IL1RAPL1: variants seen among roughly 807,000 people sequenced by gnomAD.
IL1RAPL1 encodes the protein interleukin-1 receptor accessory protein-like 1.
IL1RAPL1 carries 3 observed loss-of-function variants against 48.4 expected under a neutral mutation model. The ratio of observed to expected loss-of-function variants is 0.06; its 90% confidence interval spans 0.03 to 0.16. The LOEUF (loss-of-function observed/expected upper bound fraction) is 0.16. IL1RAPL1 is among the 10% of genes least tolerant of loss of function. The pLI is 1.00. For synonymous variants in IL1RAPL1, 185 were observed against 187.7 expected (o/e 0.99, Z 0.12); for missense variants, 349 against 530.6 (o/e 0.66, Z 3.36).
chrX:29,490,834 A>ATG lies in IL1RAPL1; in HGVS notation c.703+91544_703+91545dup, dbSNP rs199987230. ...AAGTACACAGTTACTCATCTGAGGT[A>ATG]TGTGTGTGTGTGTGTGTGTATATAT... is the stretch of plus-strand genomic sequence containing the variant. On this transcript the variant is annotated intron_variant, in intron 5 of 10. Transcript: ENST00000378993. Among the ~76,000 whole-genome samples the ATG allele has an allele frequency of 2.1e-3, 203 of 95,997 alleles. 1 individual carries two copies. Among genetic ancestry groups the ATG allele is most frequent in the Non-Finnish European group, 2.8e-3 (142 of 50,419 alleles). 83.4% of individuals were successfully genotyped at this position (95,997 alleles called of 115,157 possible).
chrX:28,615,101 G>T (rs753670382), intron 1 of IL1RAPL1, among the ~76,000 whole-genome samples: 20 of 107,973 alleles, frequency 1.9e-4, no homozygotes, highest in African/African-American at 6.4e-4. Context: ...TGTTAGCCAG[G>T]ATGGTCTCGA....
At chrX:29,850,749 A>G (rs968461285) in intron 6 of IL1RAPL1, among the ~76,000 whole-genome samples, 1 of 112,403 alleles carries the variant, frequency 8.9e-6, no homozygotes, top group Non-Finnish European at 1.9e-5. Flanking sequence ...TTTATTTTTC[A>G]GTCTTGAGCA....
intron 2 of IL1RAPL1, among the ~76,000 whole-genome samples, chrX:28,858,028 C>G (rs1290832297): frequency 8.9e-6 from 1 of 111,905 alleles, no homozygotes. Context: ...GATTCCAACT[C>G]TTGCAGATGA....
At chrX:29,039,412 A>G (rs1926795217) in intron 2 of IL1RAPL1, among the ~76,000 whole-genome samples, 1 of 111,856 alleles carries the variant, frequency 8.9e-6, no homozygotes, top group African/African-American at 3.2e-5. Context: ...ATCAGGCAAT[A>G]CTGTCTGTTG....
intron 8 of IL1RAPL1, among the ~76,000 whole-genome samples, chrX:29,940,871 A>T (rs1933114577): frequency 8.9e-6 from 1 of 112,166 alleles, no homozygotes; most frequent in African/African-American, 3.2e-5. Flanking sequence ...AATCTTAAAA[A>T]GTAAACGGTT....
At chrX:28,906,326 G>T (rs1012221774) in intron 2 of IL1RAPL1, among the ~76,000 whole-genome samples, 1 of 112,232 alleles carries the variant, frequency 8.9e-6, no homozygotes, top group Non-Finnish European at 1.9e-5. Flanking sequence ...CCACGCAGTT[G>T]TCTGTAATAG....
chrX:28,720,414 G>C (rs1485391116), intron 1 of IL1RAPL1, among the ~76,000 whole-genome samples: 1 of 111,803 alleles, frequency 8.9e-6, no homozygotes, highest in Non-Finnish European at 1.9e-5. Flanking sequence ...ATACATGTTA[G>C]CTGATTTTGA....
intron 5 of IL1RAPL1, among the ~76,000 whole-genome samples, chrX:29,511,877 A>T (rs2147767058): frequency 9.0e-6 from 1 of 111,147 alleles, no homozygotes; most frequent in African/African-American, 3.3e-5. Context: ...CTTTCTCTTA[A>T]AATTGAGCCA....
chrX:29,862,424 T>G lies in IL1RAPL1; in HGVS notation c.779-55040T>G, dbSNP rs1390851454. On this transcript the variant is annotated intron_variant, in intron 6 of 10. Coordinates refer to ENST00000378993, the MANE Select transcript of IL1RAPL1 (RefSeq NM_014271.4). The stretch of plus-strand genomic sequence containing the variant: ...TTGGTTATAAAAACGTGACGGATGA[T>G]TTAGGTGGCTGTATTCAGCTGTAAG... Among the ~76,000 whole-genome samples, 7 of 111,134 alleles carry G rather than the reference T, an allele frequency of 6.3e-5. No homozygotes were observed. In the East Asian group the frequency reaches 2.0e-3, roughly 32 times the overall value.
intron 9 of IL1RAPL1, among the ~76,000 whole-genome samples, chrX:29,942,268 CTTGT>C (rs1383097610): frequency 1.8e-5 from 2 of 112,315 alleles, no homozygotes; most frequent in Non-Finnish European, 3.7e-5. Flanking sequence ...TCTTTTCAAT[CTTGT>C]TTATTTAGCT....
At chrX:29,014,813 C>T (rs898644883) in intron 2 of IL1RAPL1, among the ~76,000 whole-genome samples, 1 of 111,423 alleles carries the variant, frequency 9.0e-6, no homozygotes, top group African/African-American at 3.3e-5. Flanking sequence ...ACATTTATTC[C>T]AAAACGAGAA....
At chrX:29,811,879 A>G (rs1281682762) in intron 6 of IL1RAPL1, among the ~76,000 whole-genome samples, 2 of 111,820 alleles carry the variant, frequency 1.8e-5, no homozygotes, top group African/African-American at 6.5e-5. Flanking sequence ...TTATAATTTC[A>G]CTTTCATTTT....
intron 2 of IL1RAPL1, among the ~76,000 whole-genome samples, chrX:29,075,285 C>G (rs1433823723): frequency 9.0e-6 from 1 of 111,523 alleles, no homozygotes; most frequent in Non-Finnish European, 1.9e-5. Context: ...AACACTTTGC[C>G]TCTTGGAAAT....
intron 5 of IL1RAPL1, among the ~76,000 whole-genome samples, chrX:29,443,017 C>G (rs1046529346): frequency 1.8e-5 from 2 of 110,917 alleles, no homozygotes; most frequent in East Asian, 5.6e-4. Context: ...TATTATTCAT[C>G]CTAGTTGACT....
intron 1 of IL1RAPL1, among the ~76,000 whole-genome samples, chrX:28,749,244 C>T (rs748414932): frequency 8.9e-5 from 10 of 111,947 alleles, no homozygotes; most frequent in African/African-American, 2.9e-4. Context: ...ATCTCTTTGA[C>T]GTACTCATTT....
chrX:29,410,888 A>G (rs927983264), intron 5 of IL1RAPL1, among the ~76,000 whole-genome samples: 1 of 111,794 alleles, frequency 8.9e-6, no homozygotes, highest in African/African-American at 3.3e-5. Flanking sequence ...TTCCTAGAAT[A>G]TGTTTCACTT....
At chrX:29,437,226 G>A (rs1040306049) in intron 5 of IL1RAPL1, among the ~76,000 whole-genome samples, 1 of 110,306 alleles carries the variant, frequency 9.1e-6, no homozygotes, top group Non-Finnish European at 1.9e-5. Context: ...AATCATTTGG[G>A]TAAGTTTACA....
intron 6 of IL1RAPL1, among the ~76,000 whole-genome samples, chrX:29,703,019 C>T (rs1196226111): frequency 1.8e-5 from 2 of 112,027 alleles, no homozygotes. Context: ...AGAAAATCAT[C>T]TTAGCATCTT....
At position 29,771,855 on chromosome X, in the gene IL1RAPL1, C is replaced by A. The variant is rs139487786; in HGVS notation, c.778+103351C>A. Among the ~76,000 whole-genome samples the A allele has an allele frequency of 3.3e-4, 37 of 111,677 alleles. No homozygotes were observed. The East Asian group carries it at 0.01, about 31-fold the overall frequency. On this transcript the variant is annotated intron_variant, in intron 6 of 10. Coordinates refer to ENST00000378993, the MANE Select transcript of IL1RAPL1 (RefSeq NM_014271.4). Reference sequence around the variant, plus strand: ...GAGCTTTAATTGACTCACAGTTCCACGTGCCTGGGGAGGCCTCACAATCGT... The same window carrying A: ...GAGCTTTAATTGACTCACAGTTCCAAGTGCCTGGGGAGGCCTCACAATCGT...
Sources: allele counts gnomAD v4.1 joint callset (sites outside exome capture counted in the v4.1 genomes callset), GRCh38; gene constraint gnomAD v4.1.1; transcripts MANE v1.5; gene names NCBI Gene and HGNC (gene_info 2026-07-23, HGNC 2026-07-21).